The following TCF20 variants were observed in gnomAD, a reference collection of about 807,000 sequenced individuals.
TCF20 encodes SPRE-binding protein.
TCF20 carries 3 observed loss-of-function variants against 148.6 expected under a neutral mutation model. The ratio of observed to expected loss-of-function variants is 0.02; its 90% CI spans 0.01 to 0.05. TCF20 has a LOEUF of 0.05. TCF20 is among the 10% of genes least tolerant of loss of function. TCF20 has a pLI of 1.00. For missense variants in TCF20, 2,350 were observed against 2,429.3 expected, an observed-to-expected ratio of 0.97 and a Z score of 0.69; for synonymous variants, 1,049 against 909.5, an observed-to-expected ratio of 1.15 and a Z score of -2.76.
rs1437617163 is a variant in TCF20 at position 42,290,963 on chromosome 22, GCC to G, written c.-37+52514_-37+52515del. ...CAACCATGAGAGGCAGCTTGAAAAT[GCC>G]CATTTACAAATAAGGAAACTGAGGC... is the stretch of plus-strand genomic sequence containing the variant. On this transcript the variant is annotated intron_variant, in intron 1 of 1. Coordinates refer to the TCF20 transcript ENST00000515426. This position sits in a 1 kb window ranked among gnomAD's most constrained non-coding sequence, Gnocchi z 4.2. Among the ~76,000 whole-genome samples the G allele has an allele frequency of 2.6e-5, 4 of 152,292 alleles. No individual in the cohort carries two copies. In the South Asian group the frequency reaches 8.3e-4, roughly 32 times the overall value.
chr22:42,280,147 A>T (rs993323616), intron 1 of TCF20, among the ~76,000 whole-genome samples: 1 of 152,250 alleles, frequency 6.6e-6, no homozygotes, highest in Non-Finnish European at 1.5e-5. Context: ...ATACCGCCCA[A>T]GTCACTACCT....
Position 42,214,417 on chromosome 22 carries a change from T to C in TCF20, c.889A>G (p.Met297Val), listed in dbSNP as rs1262409786. Residue 297 changes from methionine to valine, a missense_variant, in exon 2 of 6, where the codon ATG becomes GTG. Met to Val is a conservative substitution (Grantham distance 21). Transcript: ENST00000677622. ...ATCTTTGCCTGTTCAAAATTCTTCA[T>C]AGATTGAGGCTGATAGCTGTAATTG... ...QSNYSYQPQS[M>V]KNFEQAKIPQ... 5 of 1,614,122 alleles carry C rather than the reference T, an allele frequency of 3.1e-6. No individual in the cohort carries two copies. In the East Asian group the frequency reaches 6.7e-5, roughly 22 times the overall value.
intron 5 of TCF20, among the ~76,000 whole-genome samples, 173 bp downstream of exon 5, chr22:42,168,436 C>T (rs1935919878): frequency 6.6e-6 from 1 of 152,212 alleles, no homozygotes; most frequent in African/African-American, 2.4e-5. Flanking sequence ...CCACTCCTTT[C>T]CACAGATAAT....
At position 42,270,475 on chromosome 22, in the gene TCF20, C is replaced by A. The variant is rs1450949041; in HGVS notation, c.-173G>T. On this transcript the variant is annotated 5_prime_UTR_variant, in exon 1 of 6. Transcript: ENST00000677622. ...CCTCCAGCTCGGGCGCCCGGGCCGG[C>A]GGCGGGGCGGGCCGGGGCCGCGGCC... 7.1e-6 allele frequency among the ~76,000 whole-genome samples: 1 copy of A among 140,878 alleles called. No homozygotes were observed. The highest frequency in any genetic ancestry group is 1.6e-5 in the Non-Finnish European group (1 of 64,240). 92.4% of individuals were successfully genotyped at this position (140,878 alleles called of 152,430 possible).
chr22:42,234,797 G>T (rs1923732137), intron 1 of TCF20, among the ~76,000 whole-genome samples: 2 of 152,128 alleles, frequency 1.3e-5, no homozygotes, highest in Admixed American at 6.5e-5. Flanking sequence ...TTTAGGGTCA[G>T]AAAACCTAAT....
intron 2 of TCF20, among the ~76,000 whole-genome samples, chr22:42,200,393 T>A (rs1937918342): frequency 6.6e-6 from 1 of 152,100 alleles, no homozygotes; most frequent in Non-Finnish European, 1.5e-5. Flanking sequence ...ACGCCTATAA[T>A]CCCAGCACTT....
chr22:42,162,533 T>C (rs1336108707), intron 5 of TCF20, among the ~76,000 whole-genome samples: 4 of 152,172 alleles, frequency 2.6e-5, no homozygotes, highest in Non-Finnish European at 5.9e-5. Context: ...TCATGGGCCA[T>C]CTGATGTGGA....
chr22:42,293,857 G>A (rs1411355489), intron 1 of TCF20, among the ~76,000 whole-genome samples: 2 of 152,200 alleles, frequency 1.3e-5, no homozygotes, highest in East Asian at 1.9e-4. Flanking sequence ...AAAATTAGCC[G>A]GGTGTGGTGG....
chr22:42,176,924 T>C (rs1936488296), intron 3 of TCF20, among the ~76,000 whole-genome samples: 1 of 152,208 alleles, frequency 6.6e-6, no homozygotes, highest in Non-Finnish European at 1.5e-5. Flanking sequence ...TAAGTTCTAG[T>C]ATTCTGTATC....
Position 42,214,000 on chromosome 22 carries a change from T to C in TCF20, c.1306A>G (p.Lys436Glu). The change falls in exon 2 of 6, where the codon AAA (lysine) becomes GAA (glutamate). Residue 436 changes from lysine (K) to glutamate (E), a missense_variant. Lys to Glu is a moderately conservative substitution (Grantham distance 56, BLOSUM62 1). Around this residue, in one of 7 missense-constraint regions of TCF20, gnomAD observed 1,641 missense variants for 1,662.6 expected, o/e 0.99. Transcript: ENST00000677622. ...GGTACCCCTTCTAGTCCAAACCCTT[T>C]GAAGCCTGCAGCATGAGAATTAGGA... is the stretch of plus-strand genomic sequence containing the variant. ...PSPNSHAAGFKGFGLEGVPEK... is the reference protein window; with the variant it reads ...PSPNSHAAGFEGFGLEGVPEK... 1 of 1,614,194 alleles carries C rather than the reference T, an allele frequency of 6.2e-7. No individual in the cohort carries two copies. Among genetic ancestry groups the C allele is most frequent in the Non-Finnish European group, 8.5e-7 (1 of 1,180,026 alleles).
chr22:42,205,331 T>A (rs927565147), intron 2 of TCF20, among the ~76,000 whole-genome samples: 4 of 139,358 alleles, frequency 2.9e-5, no homozygotes, highest in African/African-American at 1.1e-4. Flanking sequence ...ACACCATTTT[T>A]AAATATAGAA....
intron 1 of TCF20, among the ~76,000 whole-genome samples, chr22:42,237,129 T>C (rs1224216601): frequency 1.3e-5 from 2 of 150,880 alleles, no homozygotes; most frequent in African/African-American, 5.0e-5. Flanking sequence ...TGCCAAACTG[T>C]TTGATAGCAT....
intron 3 of TCF20, among the ~76,000 whole-genome samples, chr22:42,178,354 G>A (rs973032889): frequency 8.5e-5 from 13 of 152,080 alleles, no homozygotes; most frequent in Admixed American, 5.9e-4. Flanking sequence ...CATAACACAG[G>A]GCTTGAGATT....
chr22:42,321,009 G>A (rs1369387661), intron 1 of TCF20, among the ~76,000 whole-genome samples: 1 of 152,204 alleles, frequency 6.6e-6, no homozygotes, highest in Non-Finnish European at 1.5e-5. Context: ...TGCAAAAAAT[G>A]AGTTAATATA....
chr22:42,251,362 T>C (rs1925351649), intron 1 of TCF20, among the ~76,000 whole-genome samples: 1 of 152,044 alleles, frequency 6.6e-6, no homozygotes, highest in East Asian at 1.9e-4. Context: ...TGTATTTTTT[T>C]GTAGAGACAG....
intron 1 of TCF20, among the ~76,000 whole-genome samples, chr22:42,217,577 T>C (rs1921939055): frequency 6.6e-6 from 1 of 152,246 alleles, no homozygotes; most frequent in Non-Finnish European, 1.5e-5. Flanking sequence ...CACCGGAGTC[T>C]GTGTGAATGA....
intron 1 of TCF20, among the ~76,000 whole-genome samples, chr22:42,280,302 AGGCCCCAC>A (rs1926872809): frequency 6.6e-6 from 1 of 152,098 alleles, no homozygotes; most frequent in South Asian, 2.1e-4. Flanking sequence ...AACTCGCTCA[AGGCCCCAC>A]GGTGTGTAGG....
In TCF20 at chr22:42,290,343, G is replaced by A. The variant is rs1927111120; in HGVS notation, c.-37+53136C>T. Among the ~76,000 whole-genome samples, 1 of 152,248 alleles carries A rather than the reference G, an allele frequency of 6.6e-6. No homozygotes were observed. Among genetic ancestry groups the A allele is most frequent in the African/African-American group, 2.4e-5 (1 of 41,468 alleles). ...TCCTCTCAACACAGCAGAGCTCCGAGGAACTGGCAGCCAGGGGCTAGCTAA... is the reference window on the plus strand; with the variant it reads ...TCCTCTCAACACAGCAGAGCTCCGAAGAACTGGCAGCCAGGGGCTAGCTAA... On this transcript the variant is annotated intron_variant, in intron 1 of 1. Coordinates refer to the TCF20 transcript ENST00000515426. The surrounding 1 kb of genome is among the most constrained non-coding windows in gnomAD (Gnocchi z 4.2).
rs895283923 is a variant in TCF20, at chr22:42,160,766, C to T, written c.*637G>A. 2 of 151,858 alleles carry T rather than the reference C, an allele frequency of 1.3e-5. No homozygotes were observed. Among genetic ancestry groups the T allele is most frequent in the Non-Finnish European group, 2.9e-5 (2 of 67,960 alleles). 9.4% of individuals were successfully genotyped at this position (151,858 alleles called of 1,614,324 possible). A position where few individuals can be genotyped will look rare whatever the true frequency, so the allele number is the denominator to read the frequency against. On this transcript the variant is annotated 3_prime_UTR_variant, in exon 6 of 6. Transcript: ENST00000677622. Reference sequence around the variant, plus strand: ...CCTGTATTTCCCCCTCCCCCAAAACCTTCCCACTTTGAGACAAATTAATGA... The same window carrying T: ...CCTGTATTTCCCCCTCCCCCAAAACTTTCCCACTTTGAGACAAATTAATGA...
Sources: allele counts gnomAD v4.1 joint callset (sites outside exome capture counted in the v4.1 genomes callset), GRCh38; gene constraint gnomAD v4.1.1; regional missense constraint gnomAD v4.1.1; non-coding constraint Gnocchi (gnomAD v3.1); transcripts MANE v1.5; gene names NCBI Gene and HGNC (gene_info 2026-07-23, HGNC 2026-07-21).